The following MDGA2 variants were observed in gnomAD, a reference collection of about 807,000 sequenced individuals.
The protein encoded by MDGA2 is MAM domain-containing glycosylphosphatidylinositol anchor protein 2.
In MDGA2, 40 loss-of-function variants were observed where a neutral mutation model predicts 117.8. The observed-to-expected ratio is 0.34, with a 90% CI of 0.26 to 0.44. MDGA2 has a LOEUF of 0.44. Among genes scored for constraint, MDGA2 ranks in the 20% least tolerant of loss-of-function variants. The pLI, the probability that MDGA2 is intolerant of heterozygous loss-of-function variation, is 1.00. For missense variants in MDGA2, 1,123 were observed against 1,250.6 expected (o/e 0.90, Z 1.54); for synonymous variants, 452 against 439.0 (o/e 1.03, Z -0.37).
At chr14:47,561,153 G>GTT (rs778265539) in intron 1 of MDGA2, among the ~76,000 whole-genome samples, 3 of 63,906 alleles carry the variant, frequency 4.7e-5, no homozygotes, top group South Asian at 1.0e-3. Context: ...TTTTTTTTTT[G>GTT]TTTTGTTTTG....
chr14:46,894,479 C>A (rs191943807), intron 10 of MDGA2, among the ~76,000 whole-genome samples: 3 of 151,946 alleles, frequency 2.0e-5, no homozygotes, highest in Non-Finnish European at 4.4e-5. Context: ...CAAGGGGCAA[C>A]AGAGGAAGAT....
chr14:46,861,693 T>G (rs1391407562), intron 14 of MDGA2, among the ~76,000 whole-genome samples: 2 of 151,934 alleles, frequency 1.3e-5, no homozygotes, highest in African/African-American at 4.8e-5. Flanking sequence ...GTTTTACATA[T>G]ATAGTAATAA....
At chr14:47,037,792 G>A (rs1278433584) in intron 7 of MDGA2, among the ~76,000 whole-genome samples, 3 of 152,114 alleles carry the variant, frequency 2.0e-5, no homozygotes, top group Non-Finnish European at 4.4e-5. Context: ...AGATAAATCT[G>A]TGTAAAATAA....
chr14:47,671,230 C>T (rs1287147621), intron 1 of MDGA2, among the ~76,000 whole-genome samples: 1 of 152,116 alleles, frequency 6.6e-6, no homozygotes, highest in Non-Finnish European at 1.5e-5. Context: ...AAGCACTATT[C>T]CCAGATAAAT....
intron 2 of MDGA2, among the ~76,000 whole-genome samples, chr14:47,297,705 T>C (rs1889126004): frequency 6.6e-6 from 1 of 152,192 alleles, no homozygotes. Context: ...AACATAGTTC[T>C]ATTCCTTGCA....
intron 3 of MDGA2, among the ~76,000 whole-genome samples, chr14:47,209,120 G>C (rs1439617586): frequency 1.3e-5 from 2 of 151,822 alleles, no homozygotes; most frequent in Non-Finnish European, 2.9e-5. Flanking sequence ...TTTTCCCTTA[G>C]TACTTTTGAT....
chr14:47,525,155 C>T (rs1480223878), intron 1 of MDGA2, among the ~76,000 whole-genome samples: 1 of 152,198 alleles, frequency 6.6e-6, no homozygotes, highest in African/African-American at 2.4e-5. Flanking sequence ...CTGGATAACA[C>T]AGAACAAGAA....
At chr14:47,426,346 G>C (rs1311981210) in intron 1 of MDGA2, among the ~76,000 whole-genome samples, 3 of 151,602 alleles carry the variant, frequency 2.0e-5, no homozygotes, top group African/African-American at 7.3e-5. Flanking sequence ...TCCAAATTTG[G>C]TCATTGGGAT....
chr14:47,337,977 T>C (rs1018542193), intron 1 of MDGA2, among the ~76,000 whole-genome samples: 1 of 152,040 alleles, frequency 6.6e-6, no homozygotes, highest in African/African-American at 2.4e-5. Flanking sequence ...ACCAGAACAC[T>C]GCACTGCAGT....
At chr14:47,108,980 C>T (rs2139045979) in intron 5 of MDGA2, among the ~76,000 whole-genome samples, 1 of 152,264 alleles carries the variant, frequency 6.6e-6, no homozygotes, top group East Asian at 1.9e-4. Flanking sequence ...CACATATCTC[C>T]TTCCCTTGAT....
intron 1 of MDGA2, among the ~76,000 whole-genome samples, chr14:47,454,172 G>C (rs1893297989): frequency 1.3e-5 from 2 of 151,974 alleles, no homozygotes; most frequent in South Asian, 2.1e-4. Flanking sequence ...GCTGATCCAA[G>C]TGATTGATTG....
chr14:47,358,432 C>A (rs534538366), intron 1 of MDGA2, among the ~76,000 whole-genome samples: 1 of 152,092 alleles, frequency 6.6e-6, no homozygotes, highest in East Asian at 1.9e-4. Context: ...ACCCGTTGTG[C>A]GGGTATCAAA....
chr14:47,336,990 T>G (rs986543255), intron 1 of MDGA2, among the ~76,000 whole-genome samples: 1 of 151,982 alleles, frequency 6.6e-6, no homozygotes, highest in Admixed American at 6.6e-5. Flanking sequence ...CATGCCAATG[T>G]GGAAAACATA....
intron 1 of MDGA2, among the ~76,000 whole-genome samples, chr14:47,382,102 G>A (rs953261964): frequency 6.6e-5 from 10 of 152,194 alleles, no homozygotes; most frequent in African/African-American, 2.4e-4. Flanking sequence ...AAGGAATGGG[G>A]AAAGGATTCC....
intron 1 of MDGA2, among the ~76,000 whole-genome samples, chr14:47,578,257 G>T (rs1342311747): frequency 6.6e-6 from 1 of 151,982 alleles, no homozygotes; most frequent in Non-Finnish European, 1.5e-5. Flanking sequence ...CAGTCAGGGG[G>T]TGGGGGTGAG....
At chr14:47,342,885 G>A (rs1321949571) in intron 1 of MDGA2, 1 of 401,782 alleles carries the variant, frequency 2.5e-6, no homozygotes, top group Non-Finnish European at 4.9e-6. Flanking sequence ...TCCGTGTGGG[G>A]GAAAAAAGAG....
chr14:47,655,340 C>T (rs1034358243), intron 1 of MDGA2, among the ~76,000 whole-genome samples: 6 of 152,124 alleles, frequency 3.9e-5, no homozygotes, highest in African/African-American at 7.2e-5. Flanking sequence ...AACAGCAGTA[C>T]GCATCTTCCA....
intron 7 of MDGA2, among the ~76,000 whole-genome samples, chr14:47,046,767 A>G (rs1003887746): frequency 6.6e-5 from 10 of 152,132 alleles, no homozygotes; most frequent in Non-Finnish European, 1.5e-4. Flanking sequence ...GGAGGATCCT[A>G]TAGCTAAAAA....
At chr14:47,027,310 G>A (rs1363152757) in intron 8 of MDGA2, among the ~76,000 whole-genome samples, 1 of 151,988 alleles carries the variant, frequency 6.6e-6, no homozygotes, top group Admixed American at 6.6e-5. Context: ...TGCACAGTTG[G>A]GGTGGACAGA....
Sources: allele counts gnomAD v4.1 joint callset (sites outside exome capture counted in the v4.1 genomes callset), GRCh38; gene constraint gnomAD v4.1.1; transcripts MANE v1.5; gene names NCBI Gene and HGNC (gene_info 2026-07-23, HGNC 2026-07-21).